CDH8: variants seen among roughly 807,000 people sequenced by gnomAD.
CDH8 encodes cadherin 8.
In CDH8, 17 loss-of-function variants were observed where a neutral mutation model predicts 68.1. The observed-to-expected ratio is 0.25, with a 90% CI of 0.17 to 0.37. CDH8 has a LOEUF of 0.37. Ranked by LOEUF, CDH8 falls within the 10% of genes least tolerant of loss-of-function variation. The pLI is 1.00. For missense variants in CDH8, 763 were observed against 999.3 expected (o/e 0.76, Z 3.19); for synonymous variants, 372 against 365.1 (o/e 1.02, Z -0.21).
At chr16:61,900,881 T>A (rs577803901) in intron 3 of CDH8, among the ~76,000 whole-genome samples, 31 of 152,296 alleles carry the variant, frequency 2.0e-4, no homozygotes, top group African/African-American at 7.2e-4. Context: ...TCTTGATAAA[T>A]CTGCCTCAGT....
At chr16:61,779,001 G>A (rs1252254426) in intron 8 of CDH8, among the ~76,000 whole-genome samples, 1 of 152,176 alleles carries the variant, frequency 6.6e-6, no homozygotes, top group Non-Finnish European at 1.5e-5. Context: ...TTGCAATAAT[G>A]TGTGCAGCCC....
chr16:61,914,618 TTCC>T (rs1205036676), intron 2 of CDH8, among the ~76,000 whole-genome samples: 3 of 152,100 alleles, frequency 2.0e-5, no homozygotes, highest in African/African-American at 7.2e-5. Flanking sequence ...AGATGTGACC[TTCC>T]TGACTTTGAC....
At position 61,713,910 on chromosome 16, in the gene CDH8, G is replaced by A. The variant is rs1964674908; in HGVS notation, c.1585C>T (p.His529Tyr). The A allele has an allele frequency of 1.2e-6, 2 of 1,609,562 alleles. No homozygotes were observed. The highest frequency in any genetic ancestry group is 1.3e-5 in the African/African-American group (1 of 74,596). ...AMDKDDPKNG[H>Y]YFLYSLLPEM... The stretch of plus-strand genomic sequence containing the variant: ...GGAAGGAGACTGTATAAGAAATAAT[G>A]TCCGTTTTTGGGATCATCTTTGTCC... The change falls in exon 10 of 12, where the codon CAT becomes TAT. Residue 529 changes from histidine (H) to tyrosine (Y), a missense_variant. This residue lies in a region of CDH8 where 397 missense variants were observed against 436.2 expected (regional missense o/e 0.91). Coordinates refer to ENST00000577390, the MANE Select transcript of CDH8 (RefSeq NM_001796.5).
intron 8 of CDH8, among the ~76,000 whole-genome samples, chr16:61,750,917 A>T (rs1386136892): frequency 6.6e-6 from 1 of 152,080 alleles, no homozygotes; most frequent in Non-Finnish European, 1.5e-5. Flanking sequence ...CTTCTTAGGA[A>T]ATTGTTGGAA....
At chr16:61,833,303 AT>A (rs1198841814) in intron 4 of CDH8, among the ~76,000 whole-genome samples, 23 of 151,622 alleles carry the variant, frequency 1.5e-4, no homozygotes, top group African/African-American at 4.6e-4. Context: ...TAAATTTTGT[AT>A]TTTTTTATAA....
In CDH8 at chr16:61,844,885, G is replaced by T. The variant is rs550803958; in HGVS notation, c.667+12234C>A. On this transcript the variant is annotated intron_variant, in intron 4 of 11. Transcript: ENST00000577390. ...TTGTACAGTTATGCCATAAGGGAAA[G>T]ACTTTAAAAGTATGACTTTGTAAAG... Among the ~76,000 whole-genome samples the T allele has an allele frequency of 5.9e-5, 9 of 152,244 alleles. No individual in the cohort carries two copies. The South Asian group carries it at 1.4e-3, about 25-fold the overall frequency.
chr16:61,768,833 T>C (rs962444266), intron 8 of CDH8, among the ~76,000 whole-genome samples: 3 of 151,846 alleles, frequency 2.0e-5, no homozygotes, highest in Non-Finnish European at 2.9e-5. Flanking sequence ...TCCTTATTGT[T>C]ACTATATCTC....
intron 4 of CDH8, among the ~76,000 whole-genome samples, chr16:61,837,486 A>G (rs1246017926): frequency 1.3e-5 from 2 of 152,076 alleles, no homozygotes; most frequent in Non-Finnish European, 1.5e-5. Flanking sequence ...TCATCATTCC[A>G]TAAGTGTTTA....
At chr16:61,915,168 C>T (rs561995912) in intron 2 of CDH8, among the ~76,000 whole-genome samples, 13 of 152,228 alleles carry the variant, frequency 8.5e-5, no homozygotes, top group African/African-American at 3.1e-4. Flanking sequence ...GCTCAAATAG[C>T]CTGTGAATAT....
At chr16:61,921,106 G>A (rs1340887926) in intron 2 of CDH8, among the ~76,000 whole-genome samples, 2 of 119,024 alleles carry the variant, frequency 1.7e-5, no homozygotes, top group East Asian at 3.0e-4. Flanking sequence ...GACTGTTGTG[G>A]GGTGGGGGGA....
rs541711846 is a variant in CDH8 at position 61,758,428 on chromosome 16, G to GTTGTT, written c.1414+30913_1414+30917dup. 1.5e-3 allele frequency among the ~76,000 whole-genome samples: 226 copies of GTTGTT among 152,084 alleles called. 2 individuals are homozygous for GTTGTT. Among genetic ancestry groups the GTTGTT allele is most frequent in the African/African-American group, 4.9e-3 (205 of 41,520 alleles). ...TGAGGTCTTTTTGTTCTGTTTTGTT[G>GTTGTT]TTGTTTTGTTTTGTTTTGTTTGAGA... On this transcript the variant is annotated intron_variant, in intron 8 of 11. Coordinates refer to ENST00000577390, the MANE Select transcript of CDH8 (RefSeq NM_001796.5).
intron 3 of CDH8, among the ~76,000 whole-genome samples, chr16:61,866,306 G>A (rs1963252199): frequency 6.6e-6 from 1 of 152,012 alleles, no homozygotes; most frequent in African/African-American, 2.4e-5. Context: ...TATTTGCACA[G>A]TATATACTAT....
intron 8 of CDH8, among the ~76,000 whole-genome samples, chr16:61,744,307 T>C (rs889575002): frequency 1.3e-5 from 2 of 152,128 alleles, no homozygotes; most frequent in Non-Finnish European, 2.9e-5. Context: ...GAATTTAGGA[T>C]TTTTACATCT....
chr16:61,983,904 T>C (rs1182608168), intron 2 of CDH8, among the ~76,000 whole-genome samples: 1 of 126,042 alleles, frequency 7.9e-6, no homozygotes, highest in African/African-American at 3.4e-5. Context: ...TTTTATTTTA[T>C]TTTATTTTAT....
At chr16:61,744,924 T>C (rs929732216) in intron 8 of CDH8, among the ~76,000 whole-genome samples, 2 of 151,446 alleles carry the variant, frequency 1.3e-5, no homozygotes, top group South Asian at 4.2e-4. Context: ...ATTCTAATTA[T>C]ATTAAGTAGT....
chr16:61,833,456 T>C (rs950390746), intron 4 of CDH8, among the ~76,000 whole-genome samples: 2 of 151,842 alleles, frequency 1.3e-5, no homozygotes, highest in African/African-American at 4.8e-5. Context: ...GTGGTTATGA[T>C]AATCAGCAAA....
chr16:61,749,215 A>G (rs1453905001), intron 8 of CDH8, among the ~76,000 whole-genome samples: 1 of 152,004 alleles, frequency 6.6e-6, no homozygotes, highest in African/African-American at 2.4e-5. Context: ...TAGAGGGGGA[A>G]AAAAAGGCCG....
intron 4 of CDH8, among the ~76,000 whole-genome samples, chr16:61,834,287 TGA>T (rs1487239670): frequency 1.3e-5 from 2 of 151,286 alleles, no homozygotes; most frequent in African/African-American, 4.9e-5. Context: ...AGGGTGGGGG[TGA>T]GTGTGGCAGT....
intron 2 of CDH8, among the ~76,000 whole-genome samples, chr16:61,937,122 C>T (rs983951618): frequency 1.3e-5 from 2 of 151,934 alleles, no homozygotes; most frequent in African/African-American, 4.8e-5. Context: ...TGAATAAAAC[C>T]GCTGTTATTC....
Sources: allele counts gnomAD v4.1 joint callset (sites outside exome capture counted in the v4.1 genomes callset), GRCh38; gene constraint gnomAD v4.1.1; regional missense constraint gnomAD v4.1.1; transcripts MANE v1.5; gene names NCBI Gene and HGNC (gene_info 2026-07-23, HGNC 2026-07-21).